SSR1: variants seen among roughly 807,000 people sequenced by gnomAD.
SSR1 encodes signal sequence receptor subunit 1, also known as translocon-associated protein subunit alpha.
A neutral mutation model predicts 36.1 loss-of-function variants in SSR1; 13 were observed. The observed-to-expected ratio is 0.36, with a 90% confidence interval of 0.23 to 0.57. The LOEUF (loss-of-function observed/expected upper bound fraction) is 0.57, where lower values mean the gene tolerates loss of function less well. Ranked by LOEUF, SSR1 falls within the 20% of genes least tolerant of loss-of-function variation. SSR1 has a pLI of 0.81. For synonymous variants in SSR1, 113 were observed against 118.9 expected (o/e 0.95, Z 0.32); for missense variants, 291 against 338.5 (o/e 0.86, Z 1.10).
intron 3 of SSR1, among the ~76,000 whole-genome samples, chr6:7,303,061 G>A (rs1001507700): frequency 4.7e-5 from 7 of 148,850 alleles, no homozygotes; most frequent in East Asian, 2.0e-4. Flanking sequence ...GCTTGAAACC[G>A]GGAGGCCTCG....
chr6:7,304,594 A>G (rs1758010509), intron 2 of SSR1, among the ~76,000 whole-genome samples: 1 of 152,238 alleles, frequency 6.6e-6, no homozygotes, highest in Non-Finnish European at 1.5e-5. Flanking sequence ...AGAACTTGGT[A>G]AATTTACTAA....
At position 7,311,345 on chromosome 6, in the gene SSR1, A is replaced by G. The variant is rs1227882328; in HGVS notation, c.80-1316T>C. Among the ~76,000 whole-genome samples the G allele has an allele frequency of 4.6e-5, 7 of 152,244 alleles. 1 individual carries two copies. In the East Asian group the frequency reaches 1.3e-3, roughly 29 times the overall value. On this transcript the variant is annotated intron_variant, in intron 1 of 7. Transcript: ENST00000244763. Reference sequence around the variant, plus strand: ...CTTCCAACATCTCTCAGAAAAAATGATGATGTGGCAATTCTGTGGATAAAA... The same window carrying G: ...CTTCCAACATCTCTCAGAAAAAATGGTGATGTGGCAATTCTGTGGATAAAA...
Position 7,288,372 on chromosome 6 carries a change from T to C in SSR1, c.*1492A>G, listed in dbSNP as rs1581624657. The stretch of plus-strand genomic sequence containing the variant: ...AGTTTATAATCCAGCAATGCCAATA[T>C]AGGTAATTTGATAGCCCCTATTTGC... On this transcript the variant is annotated 3_prime_UTR_variant, in exon 8 of 8. Coordinates refer to ENST00000244763, the MANE Select transcript of SSR1 (RefSeq NM_003144.5). The C allele has an allele frequency of 6.6e-6, 1 of 152,200 alleles. No individual in the cohort carries two copies. Among genetic ancestry groups the C allele is most frequent in the East Asian group, 1.9e-4 (1 of 5,198 alleles). The allele number at this position is 152,200 out of a possible 1,614,324, so 9.4% of individuals were successfully genotyped here.
rs1561831970 is a variant in SSR1, at chr6:7,298,832, G to GA, written c.544-10dup. The GA allele has an allele frequency of 6.2e-7, 1 of 1,606,724 alleles. No homozygotes were observed. Among genetic ancestry groups the GA allele is most frequent in the Admixed American group, 1.7e-5 (1 of 59,732 alleles). The stretch of plus-strand genomic sequence containing the variant: ...TCTTGGAATACATTGCCCTGTTTAA[G>GA]AAAATAAAATAATCAGAAAAATCTA... On this transcript the variant is annotated splice_polypyrimidine_tract_variant and intron_variant, in intron 4 of 7. Coordinates refer to ENST00000244763, the MANE Select transcript of SSR1 (RefSeq NM_003144.5).
intron 1 of SSR1, among the ~76,000 whole-genome samples, chr6:7,310,633 C>A (rs539613420): frequency 6.6e-6 from 1 of 152,108 alleles, no homozygotes; most frequent in Non-Finnish European, 1.5e-5. Flanking sequence ...CATTCTTGGC[C>A]GGCGCGGTGG....
intron 6 of SSR1, chr6:7,296,824 TC>T (rs1406949746): frequency 4.6e-5 from 7 of 153,222 alleles, no homozygotes; most frequent in African/African-American, 1.4e-4. Context: ...ATTTTATTAC[TC>T]TAACCACAAA....
At chr6:7,293,896 T>C (rs529138327) in intron 7 of SSR1, among the ~76,000 whole-genome samples, 23 of 152,282 alleles carry the variant, frequency 1.5e-4, no homozygotes, top group African/African-American at 4.6e-4. Flanking sequence ...GAAATGCAAA[T>C]GAAACAGTAA....
At position 7,281,532 on chromosome 6, in the gene SSR1, A is replaced by T. The variant is rs1341817535; in HGVS notation, c.*8332T>A. The T allele has an allele frequency of 2.0e-5, 3 of 152,264 alleles. No homozygotes were observed. The South Asian group carries it at 6.2e-4, about 31-fold the overall frequency. 9.4% of individuals were successfully genotyped at this position (152,264 alleles called of 1,614,324 possible). A position where few individuals can be genotyped will look rare whatever the true frequency, so the allele number is the denominator to read the frequency against. On this transcript the variant is annotated 3_prime_UTR_variant, in exon 8 of 8. Transcript: ENST00000244763. ...CGGCAACAAATTAGAAAATATGAAC[A>T]GAAATATTTTAAACCACAAGTATTT...
At chr6:7,298,456 T>G in intron 5 of SSR1, 1 of 332,694 alleles carries the variant, frequency 3.0e-6, no homozygotes, top group Middle Eastern at 8.9e-4. Flanking sequence ...AGACTTAGTT[T>G]AGGCTGGTGA....
At chr6:7,297,646 G>A (rs1389284495) in intron 6 of SSR1, among the ~76,000 whole-genome samples, 1 of 152,030 alleles carries the variant, frequency 6.6e-6, no homozygotes, top group Non-Finnish European at 1.5e-5. Flanking sequence ...GATCACTTGA[G>A]CCCAGGAGGT....
At chr6:7,296,492 A>C (rs1757796761) in intron 6 of SSR1, among the ~76,000 whole-genome samples, 1 of 152,242 alleles carries the variant, frequency 6.6e-6, no homozygotes, top group African/African-American at 2.4e-5. Flanking sequence ...GTTAATTTTA[A>C]TATAGATTTG....
At chr6:7,293,543 T>A (rs1757728390) in intron 7 of SSR1, among the ~76,000 whole-genome samples, 2 of 150,278 alleles carry the variant, frequency 1.3e-5, no homozygotes, top group African/African-American at 4.9e-5. Flanking sequence ...CAAGCAATCC[T>A]CCCACCTCAG....
intron 2 of SSR1, 111 bp downstream of exon 2, chr6:7,309,806 C>CT (rs1360343944): frequency 1.1e-6 from 1 of 940,406 alleles, no homozygotes; most frequent in Non-Finnish European, 1.7e-6. Flanking sequence ...TCAATGAAAC[C>CT]TTTTTCCTTT....
rs116420323 is a variant in SSR1 at position 7,299,884 on chromosome 6, C to T, written c.544-1061G>A. ...TCACAAAGGTAGTACATTGTCAAAA[C>T]TGTCACTTATTGCTAAACTGTAATT... On this transcript the variant is annotated intron_variant, in intron 4 of 7. Coordinates refer to ENST00000244763, the MANE Select transcript of SSR1 (RefSeq NM_003144.5). Among the ~76,000 whole-genome samples, 510 of 152,172 alleles carry T rather than the reference C, an allele frequency of 3.4e-3. 3 individuals carry two copies. The highest frequency in any genetic ancestry group is 0.01 in the African/African-American group (427 of 41,494).
chr6:7,302,230 A>G (rs1757952132), intron 3 of SSR1, among the ~76,000 whole-genome samples: 1 of 152,252 alleles, frequency 6.6e-6, no homozygotes, highest in South Asian at 2.1e-4. Context: ...CAATAATTAT[A>G]CAGTAGTCTA....
In SSR1 at chr6:7,282,737, G is replaced by T. The variant is rs1489024214; in HGVS notation, c.*7127C>A. 6.6e-6 allele frequency: 1 copy of T among 152,260 alleles called. No homozygotes were observed. The highest frequency in any genetic ancestry group is 6.5e-5 in the Admixed American group (1 of 15,288). 9.4% of individuals were successfully genotyped at this position (152,260 alleles called of 1,614,324 possible). A position where few individuals can be genotyped will look rare whatever the true frequency, so the allele number is the denominator to read the frequency against. Reference sequence around the variant, plus strand: ...CTTTTGGCCACTGCTGTGTCTGCAGGCTCAGCCTCCTCTAGATCTGATTCC... The same window carrying T: ...CTTTTGGCCACTGCTGTGTCTGCAGTCTCAGCCTCCTCTAGATCTGATTCC... On this transcript the variant is annotated 3_prime_UTR_variant, in exon 8 of 8. Coordinates refer to ENST00000244763, the MANE Select transcript of SSR1 (RefSeq NM_003144.5).
rs1312554147 is a variant in SSR1, at chr6:7,281,391, A to AT, written c.*8472dup. On this transcript the variant is annotated 3_prime_UTR_variant, in exon 8 of 8. Coordinates refer to ENST00000244763, the MANE Select transcript of SSR1 (RefSeq NM_003144.5). ...TTAAATAGTCCCAGAAGATAGCTAA[A>AT]TAACATTTTCAGATAGAACCTCACA... 3.9e-4 allele frequency: 59 copies of AT among 152,354 alleles called. No homozygotes were observed. Among genetic ancestry groups the AT allele is most frequent in the African/African-American group, 1.4e-3 (58 of 41,582 alleles). 9.4% of individuals were successfully genotyped at this position (152,354 alleles called of 1,614,324 possible).
At chr6:7,299,605 G>A (rs1757885541) in intron 4 of SSR1, among the ~76,000 whole-genome samples, 1 of 151,888 alleles carries the variant, frequency 6.6e-6, no homozygotes, top group African/African-American at 2.4e-5. Context: ...GGCTGAGGCA[G>A]GAGAATCACT....
intron 2 of SSR1, among the ~76,000 whole-genome samples, chr6:7,307,400 AG>A (rs1206909763): frequency 4.6e-5 from 7 of 152,270 alleles, no homozygotes; most frequent in Non-Finnish European, 1.0e-4. Flanking sequence ...TGGCCAGGGT[AG>A]AAAGTGGATA....
Sources: gnomAD v4.1 joint callset for allele counts (sites outside exome capture counted in the v4.1 genomes callset) on GRCh38, gnomAD v4.1.1 for gene constraint, MANE v1.5 for transcripts, NCBI Gene and HGNC (gene_info 2026-07-23, HGNC 2026-07-21) for gene names.